PCDHB6: variants seen among roughly 807,000 people sequenced by gnomAD.
PCDHB6 encodes protocadherin beta-6.
For synonymous variants in PCDHB6, 506 were observed against 459.0 expected (o/e 1.10, Z -1.31); for missense variants, 1,137 against 1,010.1 (o/e 1.13, Z -1.70).
chr5:141,151,118 C>G lies in PCDHB6; in HGVS notation c.861C>G (p.Asn287Lys). Reference protein sequence around the residue: ...SYALFQVDDVNQPFEINAITG... With the variant: ...SYALFQVDDVKQPFEINAITG... ...CCCTGTTTCAAGTCGATGACGTCAA[C>G]CAACCCTTCGAAATAAACGCAATCA... The change falls in exon 1 of 1, where the codon AAC becomes AAG. Residue 287 changes from asparagine to lysine, a missense_variant. Physicochemically the swap from Asn to Lys is moderately conservative, Grantham distance 94. Transcript: ENST00000231136. 6.2e-7 allele frequency: 1 copy of G among 1,614,236 alleles called. No individual in the cohort carries two copies. Among genetic ancestry groups the G allele is most frequent in the African/African-American group, 1.3e-5 (1 of 75,060 alleles).
chr5:141,152,040 G>A lies in PCDHB6; in HGVS notation c.1783G>A (p.Gly595Ser), dbSNP rs1554277899. ...GGTGGTGGCGGTGGACGGCGACTCGGGCCAGAACGCCTGGCTGTCGTACCA... is the reference window on the plus strand; with the variant it reads ...GGTGGTGGCGGTGGACGGCGACTCGAGCCAGAACGCCTGGCTGTCGTACCA... ...TKVVAVDGDS[G>S]QNAWLSYQLL... The change falls in exon 1 of 1, where the codon GGC becomes AGC. Residue 595 changes from glycine (G) to serine (S), a missense_variant. Physicochemically the swap from Gly to Ser is moderately conservative, Grantham distance 56. Transcript: ENST00000231136. 3 of 1,607,562 alleles carry A rather than the reference G, an allele frequency of 1.9e-6. No individual in the cohort carries two copies. Among genetic ancestry groups the A allele is most frequent in the Non-Finnish European group, 8.5e-7 (1 of 1,179,440 alleles).
Position 141,150,935 on chromosome 5 carries a change from G to T in PCDHB6, c.678G>T (p.Glu226Asp). 6.2e-7 allele frequency: 1 copy of T among 1,614,200 alleles called. No homozygotes were observed. Among genetic ancestry groups the T allele is most frequent in the Non-Finnish European group, 8.5e-7 (1 of 1,180,020 alleles). The stretch of plus-strand genomic sequence containing the variant: ...CTCCGCCCCGGTCAGGGACCTCCGA[G>T]ATTCAGATCCAGGTTTTGGACATCA... ...GGSPPRSGTS[E>D]IQIQVLDIND... Residue 226 changes from glutamate (E) to aspartate (D), a missense_variant, in exon 1 of 1, where the codon GAG becomes GAT. Coordinates refer to ENST00000231136, the MANE Select transcript of PCDHB6 (RefSeq NM_018939.4).
Position 141,150,418 on chromosome 5 carries a change from G to T in PCDHB6, c.161G>T (p.Arg54Met), listed in dbSNP as rs1002964750. The T allele has an allele frequency of 1.9e-6, 3 of 1,614,010 alleles. No homozygotes were observed. The African/African-American group carries it at 4.0e-5, about 22-fold the overall frequency. The change falls in exon 1 of 1, where the codon AGG becomes ATG. Residue 54 changes from arginine to methionine, a missense_variant. Arg to Met is a moderately conservative substitution (Grantham distance 91). Coordinates refer to ENST00000231136, the MANE Select transcript of PCDHB6 (RefSeq NM_018939.4). ...AACTTGACAAAGGACCTGGGACTGA[G>T]GGTGGGGGAGCTGGCTTCGCGGGGC... is the stretch of plus-strand genomic sequence containing the variant. ...VANLTKDLGL[R>M]VGELASRGAR...
In PCDHB6 at chr5:141,152,128, C is replaced by T. The variant is rs782447100; in HGVS notation, c.1871C>T (p.Thr624Ile). Residue 624 changes from threonine to isoleucine, a missense_variant, in exon 1 of 1, where the codon ACC becomes ATC. By Grantham distance (89) the Thr-to-Ile change is moderately conservative. Coordinates refer to ENST00000231136, the MANE Select transcript of PCDHB6 (RefSeq NM_018939.4). ...GVWAHNGEVR[T>I]ARLLSERDAA... is the part of the protein sequence containing the mutation. ...TGGGCGCACAATGGCGAGGTGCGCACCGCCAGGCTGCTGAGCGAGCGAGAC... is the reference window on the plus strand; with the variant it reads ...TGGGCGCACAATGGCGAGGTGCGCATCGCCAGGCTGCTGAGCGAGCGAGAC... 7.5e-6 allele frequency: 12 copies of T among 1,607,164 alleles called. No homozygotes were observed. Among genetic ancestry groups the T allele is most frequent in the Non-Finnish European group, 1.0e-5 (12 of 1,179,704 alleles).
Position 141,150,877 on chromosome 5 carries a change from T to G in PCDHB6, c.620T>G (p.Leu207Arg). The change falls in exon 1 of 1, where the codon CTC becomes CGC. Residue 207 changes from leucine to arginine, a missense_variant. Physicochemically the swap from Leu to Arg is moderately radical, Grantham distance 102 (BLOSUM62 -2). Transcript: ENST00000231136. ...TTGGACCGCGAGGAGCAGCCCCAAC[T>G]CAGGCTAACGCTGATCGCGCTGGAT... Reference protein sequence around the residue: ...KPLDREEQPQLRLTLIALDGG... With the variant: ...KPLDREEQPQRRLTLIALDGG... 1 of 1,614,144 alleles carries G rather than the reference T, an allele frequency of 6.2e-7. No homozygotes were observed. Among genetic ancestry groups the G allele is most frequent in the Non-Finnish European group, 8.5e-7 (1 of 1,180,020 alleles).
Position 141,150,712 on chromosome 5 carries a change from CT to C in PCDHB6, c.458del (p.Leu153Ter). 1.2e-6 allele frequency: 2 copies of C among 1,614,198 alleles called. No homozygotes were observed. The highest frequency in any genetic ancestry group is 1.7e-6 in the Non-Finnish European group (2 of 1,180,050). On this transcript the variant is annotated frameshift_variant, in exon 1 of 1. Coordinates refer to ENST00000231136, the MANE Select transcript of PCDHB6 (RefSeq NM_018939.4). LOFTEE classifies it low-confidence loss of function (END_TRUNC). The part of the protein sequence containing the change: ...SEITMPGKIF[P>X]LKMAHDLDTG... ...ATTACTATGCCAGGAAAGATATTTC[CT>C]TTGAAAATGGCACACGATTTAGACA...
rs781831094 is a variant in PCDHB6 at position 141,150,839 on chromosome 5, G to A, written c.582G>A (p.Val194=). The part of the protein sequence containing the change: ...RSEGRKFPEL[V]LDKPLDREEQ... ...AAGGCAGGAAGTTCCCGGAGCTGGT[G>A]CTAGACAAACCGTTGGACCGCGAGG... Residue 194 remains valine (V), a synonymous_variant, in exon 1 of 1, where the codon GTG becomes GTA. Coordinates refer to ENST00000231136, the MANE Select transcript of PCDHB6 (RefSeq NM_018939.4). 1.9e-6 allele frequency: 3 copies of A among 1,614,230 alleles called. No individual in the cohort carries two copies. In the South Asian group the frequency reaches 3.3e-5, roughly 18 times the overall value.
chr5:141,150,658 C>T lies in PCDHB6; in HGVS notation c.401C>T (p.Ala134Val). The T allele has an allele frequency of 6.2e-7, 1 of 1,614,138 alleles. No individual in the cohort carries two copies. Among genetic ancestry groups the T allele is most frequent in the East Asian group, 2.2e-5 (1 of 44,878 alleles). ...AATGACCACGCCCCGGAATTCCCTG[C>T]CAGAGAAATGCTCCTGAAAATATCA... ...DINDHAPEFPAREMLLKISEI... is the reference protein window; with the variant it reads ...DINDHAPEFPVREMLLKISEI... The change falls in exon 1 of 1, where the codon GCC becomes GTC. Residue 134 changes from alanine (A) to valine (V), a missense_variant. Coordinates refer to ENST00000231136, the MANE Select transcript of PCDHB6 (RefSeq NM_018939.4).
chr5:141,150,972 C>A lies in PCDHB6; in HGVS notation c.715C>A (p.Pro239Thr). 1.9e-6 allele frequency: 3 copies of A among 1,614,148 alleles called. No individual in the cohort carries two copies. Among genetic ancestry groups the A allele is most frequent in the African/African-American group, 1.3e-5 (1 of 75,034 alleles). The change falls in exon 1 of 1, where the codon CCC (proline) becomes ACC (threonine). Residue 239 changes from proline to threonine, a missense_variant. Transcript: ENST00000231136. ...IQVLDINDNV[P>T]EFAQELYEAQ... ...GGTTTTGGACATCAATGACAACGTC[C>A]CCGAGTTTGCTCAGGAGCTCTATGA...
Position 141,151,984 on chromosome 5 carries a change from G to C in PCDHB6, c.1727G>C (p.Arg576Pro). ...GCGCCCTGCACCGAGCTGGTGCCCC[G>C]GGCGGCCGAGCCGGGCTACCTGGTG... is the stretch of plus-strand genomic sequence containing the variant. ...GSAPCTELVP[R>P]AAEPGYLVTK... The change falls in exon 1 of 1, where the codon CGG becomes CCG. Residue 576 changes from arginine to proline, a missense_variant. Arg to Pro is a moderately radical substitution (Grantham distance 103). Transcript: ENST00000231136. The C allele has an allele frequency of 1.2e-6, 2 of 1,609,804 alleles. No homozygotes were observed. The highest frequency in any genetic ancestry group is 1.1e-5 in the South Asian group (1 of 90,958).
chr5:141,152,357 C>A lies in PCDHB6; in HGVS notation c.2100C>A (p.Leu700=). 3 of 1,610,894 alleles carry A rather than the reference C, an allele frequency of 1.9e-6. No homozygotes were observed. Among genetic ancestry groups the A allele is most frequent in the Non-Finnish European group, 2.5e-6 (3 of 1,179,876 alleles). Residue 700 remains leucine, a synonymous_variant, in exon 1 of 1, where the codon CTC becomes CTA. Coordinates refer to ENST00000231136, the MANE Select transcript of PCDHB6 (RefSeq NM_018939.4). ...VALASVSSLF[L]FSVLLFVAVR... ...TGGCCTCGGTGTCGTCGCTCTTCCT[C>A]TTTTCGGTGCTCCTGTTCGTGGCGG...
chr5:141,151,669 T>G lies in PCDHB6; in HGVS notation c.1412T>G (p.Val471Gly). Residue 471 changes from valine (V) to glycine (G), a missense_variant, in exon 1 of 1, where the codon GTC (valine) becomes GGC (glycine). By Grantham distance (109) the Val-to-Gly change is moderately radical (BLOSUM62 -3). Transcript: ENST00000231136. Reference protein sequence around the residue: ...NNSPALHIGSVSATDRDSGIN... With the variant: ...NNSPALHIGSGSATDRDSGIN... Reference sequence around the variant, plus strand: ...AGCCCCGCCCTGCACATCGGCAGCGTCAGCGCCACAGACAGAGACTCAGGC... The same window carrying G: ...AGCCCCGCCCTGCACATCGGCAGCGGCAGCGCCACAGACAGAGACTCAGGC... 6.2e-7 allele frequency: 1 copy of G among 1,613,286 alleles called. No homozygotes were observed. The highest frequency in any genetic ancestry group is 8.5e-7 in the Non-Finnish European group (1 of 1,180,014).
rs1554277749 is a variant in PCDHB6 at position 141,151,627 on chromosome 5, T to G, written c.1370T>G (p.Phe457Cys). The G allele has an allele frequency of 4.3e-6, 7 of 1,613,514 alleles. No homozygotes were observed. In the African/African-American group the frequency reaches 8.0e-5, roughly 18 times the overall value. ...TTCACCCAAACCTCCTACACCCTGT[T>G]CGTCCGCGAGAACAACAGCCCCGCC... ...PAFTQTSYTL[F>C]VRENNSPALH... The change falls in exon 1 of 1, where the codon TTC (phenylalanine) becomes TGC (cysteine). Residue 457 changes from phenylalanine (F) to cysteine (C), a missense_variant. Phe to Cys is a radical substitution (Grantham distance 205). Coordinates refer to ENST00000231136, the MANE Select transcript of PCDHB6 (RefSeq NM_018939.4).
Position 141,151,997 on chromosome 5 carries a change from G to A in PCDHB6, c.1740G>A (p.Pro580=), listed in dbSNP as rs1752888428. ...CTELVPRAAE[P]GYLVTKVVAV... ...AGCTGGTGCCCCGGGCGGCCGAGCCGGGCTACCTGGTGACCAAGGTGGTGG... is the reference window on the plus strand; with the variant it reads ...AGCTGGTGCCCCGGGCGGCCGAGCCAGGCTACCTGGTGACCAAGGTGGTGG... The change falls in exon 1 of 1, where the codon CCG becomes CCA. Residue 580 remains proline (P), a synonymous_variant. Coordinates refer to ENST00000231136, the MANE Select transcript of PCDHB6 (RefSeq NM_018939.4). 7 of 1,609,448 alleles carry A rather than the reference G, an allele frequency of 4.3e-6. No homozygotes were observed. The highest frequency in any genetic ancestry group is 5.9e-6 in the Non-Finnish European group (7 of 1,179,520).
At position 141,152,862 on chromosome 5, in the gene PCDHB6, T is replaced by C. The variant is rs113221828; in HGVS notation, c.*220T>C. On this transcript the variant is annotated 3_prime_UTR_variant, in exon 1 of 1. Transcript: ENST00000231136. ...AACAAAAAGTAAATTTTTATTTGCATAATTTTAAGCTTTTGAAATTAAATT... is the reference window on the plus strand; with the variant it reads ...AACAAAAAGTAAATTTTTATTTGCACAATTTTAAGCTTTTGAAATTAAATT... 2.2e-4 allele frequency: 81 copies of C among 374,532 alleles called. No homozygotes were observed. Among genetic ancestry groups the C allele is most frequent in the Non-Finnish European group, 3.4e-4 (69 of 205,634 alleles). The allele number at this position is 374,532 out of a possible 1,614,324, so 23.2% of individuals were successfully genotyped here. A position where few individuals can be genotyped will look rare whatever the true frequency, so the allele number is the denominator to read the frequency against.
Position 141,151,274 on chromosome 5 carries a change from T to A in PCDHB6, c.1017T>A (p.Asn339Lys). ...TAGTCGTCAGGGTCCTGGACGTGAA[T>A]GACAATGCCCCTGAACTCACCATGT... The part of the protein sequence containing the change: ...CSLVVRVLDV[N>K]DNAPELTMSF... The change falls in exon 1 of 1, where the codon AAT becomes AAA. Residue 339 changes from asparagine to lysine, a missense_variant. Physicochemically the swap from Asn to Lys is moderately conservative, Grantham distance 94. Coordinates refer to ENST00000231136, the MANE Select transcript of PCDHB6 (RefSeq NM_018939.4). 1 of 1,614,152 alleles carries A rather than the reference T, an allele frequency of 6.2e-7. No individual in the cohort carries two copies.
Position 141,150,616 on chromosome 5 carries a change from T to A in PCDHB6, c.359T>A (p.Leu120Ter). 1.2e-6 allele frequency: 2 copies of A among 1,614,164 alleles called. No homozygotes were observed. Among genetic ancestry groups the A allele is most frequent in the Non-Finnish European group, 8.5e-7 (1 of 1,180,038 alleles). ...CCCTTGCAGTTTTTTCAGGCTTCCT[T>A]GCGAGTCAGAGATATAAATGACCAC... is the stretch of plus-strand genomic sequence containing the variant. ...ENPLQFFQAS[L>*]RVRDINDHAP... The change falls in exon 1 of 1, where the codon TTG (leucine) becomes TAG (stop). Residue 120 changes from leucine (L) to a stop codon, truncating the protein, a stop_gained. Coordinates refer to ENST00000231136, the MANE Select transcript of PCDHB6 (RefSeq NM_018939.4). LOFTEE classifies it low-confidence loss of function (END_TRUNC).
chr5:141,150,117 G>A lies in PCDHB6; in HGVS notation c.-141G>A. 2 of 645,302 alleles carry A rather than the reference G, an allele frequency of 3.1e-6. No homozygotes were observed. Among genetic ancestry groups the A allele is most frequent in the South Asian group, 4.0e-5 (2 of 50,122 alleles). 40.0% of individuals were successfully genotyped at this position (645,302 alleles called of 1,614,324 possible). A position where few individuals can be genotyped will look rare whatever the true frequency, so the allele number is the denominator to read the frequency against. ...GTTTACAGCTAAAGCTGAGATAGATGTGTCCGGGAAGGCAGTCGTCGCCAG... is the reference window on the plus strand; with the variant it reads ...GTTTACAGCTAAAGCTGAGATAGATATGTCCGGGAAGGCAGTCGTCGCCAG... On this transcript the variant is annotated 5_prime_UTR_variant, in exon 1 of 1. It adds an upstream start codon to the 5' untranslated region. Coordinates refer to ENST00000231136, the MANE Select transcript of PCDHB6 (RefSeq NM_018939.4).
At position 141,150,184 on chromosome 5, in the gene PCDHB6, C is replaced by A. The variant is rs1316649355; in HGVS notation, c.-74C>A. The A allele has an allele frequency of 5.9e-6, 7 of 1,185,790 alleles. No homozygotes were observed. The African/African-American group carries it at 7.6e-5, about 13-fold the overall frequency. 73.5% of individuals were successfully genotyped at this position (1,185,790 alleles called of 1,614,324 possible). ...AATTTAAAAATCTCTGCAAAGACAT[C>A]CGAGAGGGTCGACGGTAGATGTGGT... is the stretch of plus-strand genomic sequence containing the variant. On this transcript the variant is annotated 5_prime_UTR_variant, in exon 1 of 1. Transcript: ENST00000231136.
Sources: allele counts gnomAD v4.1 joint callset, GRCh38; gene constraint gnomAD v4.1.1; transcripts MANE v1.5; gene names NCBI Gene and HGNC (gene_info 2026-07-23, HGNC 2026-07-21).